Variants in VAV3 observed in about 807,000 individuals in gnomAD.
VAV3 encodes guanine nucleotide exchange factor VAV3.
A neutral mutation model predicts 131.2 loss-of-function variants in VAV3; 94 were observed. The ratio of observed to expected loss-of-function variants is 0.72; its 90% CI spans 0.61 to 0.85. The LOEUF (loss-of-function observed/expected upper bound fraction) is 0.85, where lower values mean the gene tolerates loss of function less well. Ranked by LOEUF, VAV3 falls within the 40% of genes least tolerant of loss-of-function variation. The pLI, the probability that VAV3 is intolerant of heterozygous loss-of-function variation, is 0.00. For missense variants in VAV3, 939 were observed against 1,002.7 expected, an observed-to-expected ratio of 0.94 and a Z score of 0.86; for synonymous variants, 349 against 342.0, an observed-to-expected ratio of 1.02 and a Z score of -0.22.
intron 1 of VAV3, among the ~76,000 whole-genome samples, chr1:107,945,489 T>C (rs1674205253): frequency 6.6e-6 from 1 of 152,078 alleles, no homozygotes; most frequent in Non-Finnish European, 1.5e-5. Flanking sequence ...TGAATAAAAA[T>C]ATAAGTGGCC....
intron 1 of VAV3, among the ~76,000 whole-genome samples, chr1:107,950,804 A>C (rs555369791): frequency 6.6e-6 from 1 of 152,172 alleles, no homozygotes; most frequent in Non-Finnish European, 1.5e-5. Flanking sequence ...AAAGGAGGAG[A>C]TATCAGTCAA....
At chr1:107,938,363 G>A (rs1673823463) in intron 1 of VAV3, among the ~76,000 whole-genome samples, 1 of 152,182 alleles carries the variant, frequency 6.6e-6, no homozygotes, top group Non-Finnish European at 1.5e-5. Context: ...AGGCAGGAGT[G>A]TCTTAGGGAT....
intron 2 of VAV3, among the ~76,000 whole-genome samples, chr1:107,869,027 T>G (rs1670131152): frequency 6.6e-6 from 1 of 152,070 alleles, no homozygotes; most frequent in Non-Finnish European, 1.5e-5. Context: ...CCCAGATGGT[T>G]ATAGCTCCTT....
At chr1:107,574,024 G>A in intron 26 of VAV3, 23 bp downstream of exon 26, 2 of 1,611,732 alleles carry the variant, frequency 1.2e-6, no homozygotes, top group Non-Finnish European at 1.7e-6. Flanking sequence ...ACATGCACCA[G>A]CACATCGAGA....
chr1:107,726,803 CT>C (rs143463344), intron 15 of VAV3, among the ~76,000 whole-genome samples: 2 of 152,080 alleles, frequency 1.3e-5, no homozygotes, highest in African/African-American at 4.8e-5. Flanking sequence ...GGAATAAAGC[CT>C]GCTAATTGAA....
At chr1:107,719,494 A>G (rs1191390931) in intron 15 of VAV3, among the ~76,000 whole-genome samples, 1 of 152,212 alleles carries the variant, frequency 6.6e-6, no homozygotes, top group Non-Finnish European at 1.5e-5. Flanking sequence ...GAGAAATGCA[A>G]ATCAAAACCA....
chr1:107,828,121 C>A (rs531035801), intron 2 of VAV3, among the ~76,000 whole-genome samples: 6 of 152,236 alleles, frequency 3.9e-5, no homozygotes, highest in African/African-American at 1.4e-4. Context: ...TAGTACACAG[C>A]GAGATTCATT....
intron 20 of VAV3, among the ~76,000 whole-genome samples, chr1:107,640,869 C>G (rs558663069): frequency 1.3e-5 from 2 of 151,978 alleles, no homozygotes; most frequent in African/African-American, 2.4e-5. Flanking sequence ...TGGGAGGAGA[C>G]TGAGCATATT....
intron 15 of VAV3, among the ~76,000 whole-genome samples, chr1:107,733,619 T>C (rs1256658797): frequency 6.6e-6 from 1 of 152,020 alleles, no homozygotes; most frequent in East Asian, 1.9e-4. Context: ...GCCGATTCAA[T>C]CAAGTGGAAG....
intron 12 of VAV3, among the ~76,000 whole-genome samples, chr1:107,752,464 G>T (rs1663796736): frequency 6.6e-6 from 1 of 152,192 alleles, no homozygotes; most frequent in African/African-American, 2.4e-5. Flanking sequence ...ATGGGACTTT[G>T]TCAAAATTAA....
chr1:107,655,991 A>C (rs962639986), intron 19 of VAV3, among the ~76,000 whole-genome samples: 7 of 152,126 alleles, frequency 4.6e-5, no homozygotes, highest in Non-Finnish European at 1.0e-4. Flanking sequence ...ACCCTCATAT[A>C]CTATTGGTGG....
At chr1:107,805,081 C>T (rs926713480) in intron 2 of VAV3, among the ~76,000 whole-genome samples, 3 of 152,042 alleles carry the variant, frequency 2.0e-5, no homozygotes, top group African/African-American at 7.2e-5. Context: ...TCTCTTTCTG[C>T]TTTTAAAATC....
Position 107,964,929 on chromosome 1 carries a change from GCC to G in VAV3, c.-62_-61del, listed in dbSNP as rs1675360741. The G allele has an allele frequency of 1.6e-6, 2 of 1,214,768 alleles. No individual in the cohort carries two copies. The allele number at this position is 1,214,768 out of a possible 1,614,324, so 75.2% of individuals were successfully genotyped here. ...GGGCGGCAAGGATGCGGCCGCCGCCGCCGCCGCCGCGGTTCCTCCGCGCCCCG... is the reference window on the plus strand; with the variant it reads ...GGGCGGCAAGGATGCGGCCGCCGCCGGCCGCCGCGGTTCCTCCGCGCCCCG... On this transcript the variant is annotated 5_prime_UTR_variant, in exon 1 of 27. Transcript: ENST00000370056.
At chr1:107,930,176 T>A (rs1221917235) in intron 1 of VAV3, among the ~76,000 whole-genome samples, 2 of 151,864 alleles carry the variant, frequency 1.3e-5, no homozygotes, top group African/African-American at 4.8e-5. Flanking sequence ...ACTAAAAGAG[T>A]ATAACTGGAT....
intron 2 of VAV3, among the ~76,000 whole-genome samples, chr1:107,814,777 A>G (rs1362062397): frequency 6.6e-6 from 1 of 152,214 alleles, no homozygotes; most frequent in African/African-American, 2.4e-5. Flanking sequence ...AACAGTGCTT[A>G]TGGAAGAATA....
At chr1:107,804,221 C>G in intron 2 of VAV3, among the ~76,000 whole-genome samples, 1 of 152,066 alleles carries the variant, frequency 6.6e-6, no homozygotes, top group East Asian at 1.9e-4. Context: ...AATTGGAGAA[C>G]TGCATCTGTT....
intron 2 of VAV3, among the ~76,000 whole-genome samples, chr1:107,837,302 A>G (rs1397799164): frequency 1.3e-5 from 2 of 152,194 alleles, no homozygotes; most frequent in African/African-American, 4.8e-5. Flanking sequence ...CCACATAAAT[A>G]GAACTAAAAT....
At chr1:107,593,720 A>G (rs1209421895) in intron 25 of VAV3, among the ~76,000 whole-genome samples, 1 of 152,084 alleles carries the variant, frequency 6.6e-6, no homozygotes, top group Non-Finnish European at 1.5e-5. Flanking sequence ...GTCTTTCTTT[A>G]AGGGTGAGCT....
intron 2 of VAV3, among the ~76,000 whole-genome samples, chr1:107,802,638 T>C (rs934684576): frequency 2.6e-5 from 4 of 152,142 alleles, no homozygotes; most frequent in Non-Finnish European, 5.9e-5. Flanking sequence ...AGAGGATACA[T>C]TACATTTATT....
Sources: allele counts gnomAD v4.1 joint callset (sites outside exome capture counted in the v4.1 genomes callset), GRCh38; gene constraint gnomAD v4.1.1; transcripts MANE v1.5; gene names NCBI Gene and HGNC (gene_info 2026-07-23, HGNC 2026-07-21).